Variants in LTA observed in about 807,000 individuals in gnomAD.
LTA encodes lymphotoxin alpha.
Under a neutral mutation model 15.1 loss-of-function variants are expected in LTA, and 6 were observed. The ratio of observed to expected loss-of-function variants is 0.40; its 90% CI spans 0.22 to 0.78. The LOEUF (loss-of-function observed/expected upper bound fraction) is 0.78, where lower values mean the gene tolerates loss of function less well. LTA is among the 30% of genes least tolerant of loss of function. LTA has a pLI of 0.38. For missense variants in LTA, 173 were observed against 249.5 expected (o/e 0.69, Z 2.06); for synonymous variants, 87 against 107.3 (o/e 0.81, Z 1.17).
rs368539892 is a variant in LTA, at chr6:31,572,974, G to A, written c.146G>A (p.Arg49His). ...ACACCTTCAGCTGCCCAGACTGCCC[G>A]TCAGCACCCCAAGATGCATCTTGCC... ...GLTPSAAQTA[R>H]QHPKMHLAHS... The change falls in exon 3 of 4, where the codon CGT becomes CAT. Residue 49 changes from arginine to histidine, a missense_variant. Physicochemically the swap from Arg to His is conservative, Grantham distance 29 (BLOSUM62 0). Transcript: ENST00000418386. 45 of 1,612,524 alleles carry A rather than the reference G, an allele frequency of 2.8e-5. No homozygotes were observed. Among genetic ancestry groups the A allele is most frequent in the Admixed American group, 1.8e-4 (11 of 59,972 alleles).
Position 31,572,756 on chromosome 6 carries a change from A to C in LTA, c.14A>C (p.Glu5Ala). ...CAGGTTCTCCCCATGACACCACCTGAACGTCTCTTCCTCCCAAGGGTGTGT... is the reference window on the plus strand; with the variant it reads ...CAGGTTCTCCCCATGACACCACCTGCACGTCTCTTCCTCCCAAGGGTGTGT... MTPP[E>A]RLFLPRVCGT... Residue 5 changes from glutamate to alanine, a missense_variant, in exon 2 of 4, where the codon GAA becomes GCA. Coordinates refer to ENST00000418386, the MANE Select transcript of LTA (RefSeq NM_000595.4). The C allele has an allele frequency of 6.2e-7, 1 of 1,606,600 alleles. No homozygotes were observed. Among genetic ancestry groups the C allele is most frequent in the African/African-American group, 1.4e-5 (1 of 73,816 alleles).
chr6:31,564,759 C>G, the LTA span, among the ~76,000 whole-genome samples: 1 of 147,230 alleles, frequency 6.8e-6, no homozygotes, highest in Non-Finnish European at 1.5e-5. Flanking sequence ...AAAAAAAATA[C>G]AAAACTTAGC....
upstream of LTA, among the ~76,000 whole-genome samples, chr6:31,567,645 A>AAC (rs9279356): frequency 3.5e-3 from 422 of 122,064 alleles, 1 homozygote; most frequent in Admixed American, 5.5e-3. Context: ...TCTCCCCTGC[A>AAC]ACACACACAC....
the LTA span, among the ~76,000 whole-genome samples, chr6:31,564,923 A>G: frequency 6.6e-6 from 1 of 152,132 alleles, no homozygotes; most frequent in South Asian, 2.1e-4. Context: ...CAAAAAACAA[A>G]CAAACAAGGA....
At chr6:31,570,833 C>T (rs905907187), upstream of LTA, among the ~76,000 whole-genome samples, 1 of 151,734 alleles carries the variant, frequency 6.6e-6, no homozygotes, top group Non-Finnish European at 1.5e-5. Flanking sequence ...TATATGATGC[C>T]CCAAACCAGG....
At chr6:31,563,021 G>A in the LTA span, among the ~76,000 whole-genome samples, 6 of 152,036 alleles carry the variant, frequency 3.9e-5, no homozygotes, top group East Asian at 3.9e-4. Context: ...TTAGCTGGGC[G>A]TGGTGGCACA....
rs1209275224 is a variant in LTA at position 31,573,477 on chromosome 6, G to A, written c.402G>A (p.Glu134=). The A allele has an allele frequency of 1.2e-6, 2 of 1,613,938 alleles. No homozygotes were observed. The highest frequency in any genetic ancestry group is 1.3e-5 in the African/African-American group (1 of 74,846). ...ATSSPLYLAH[E]VQLFSSQYPF... is the part of the protein sequence containing the mutation. Reference sequence around the variant, plus strand: ...CCTCCCCACTCTACCTGGCCCATGAGGTCCAGCTCTTCTCCTCCCAGTACC... The same window carrying A: ...CCTCCCCACTCTACCTGGCCCATGAAGTCCAGCTCTTCTCCTCCCAGTACC... Residue 134 remains glutamate, a synonymous_variant, in exon 4 of 4, where the codon GAG becomes GAA. Transcript: ENST00000418386.
upstream of LTA, among the ~76,000 whole-genome samples, chr6:31,567,365 G>A (rs1172302205): frequency 6.6e-6 from 1 of 152,062 alleles, no homozygotes; most frequent in East Asian, 1.9e-4. Context: ...AGACCAGCCT[G>A]AGCAGCATAG....
At chr6:31,566,455 CA>C in the LTA span, among the ~76,000 whole-genome samples, 1 of 151,738 alleles carries the variant, frequency 6.6e-6, no homozygotes, top group African/African-American at 2.4e-5. Flanking sequence ...CCAGCCTGGC[CA>C]ACATGGTGTA....
At chr6:31,561,395 G>A in the LTA span, among the ~76,000 whole-genome samples, 2 of 152,156 alleles carry the variant, frequency 1.3e-5, no homozygotes, top group Non-Finnish European at 1.5e-5. Context: ...CAAAAGGTGG[G>A]TGGTGGTGGC....
chr6:31,561,933 C>T, the LTA span, among the ~76,000 whole-genome samples: 1 of 151,862 alleles, frequency 6.6e-6, no homozygotes, highest in South Asian at 2.1e-4. Flanking sequence ...GTCTGGAGCT[C>T]AAGAGAAGTT....
At chr6:31,567,619 T>C (rs1388704978), upstream of LTA, among the ~76,000 whole-genome samples, 2 of 146,708 alleles carry the variant, frequency 1.4e-5, no homozygotes, top group Admixed American at 7.0e-5. Flanking sequence ...TCTCTCTCTC[T>C]CTCTCCCTCC....
upstream of LTA, among the ~76,000 whole-genome samples, chr6:31,567,287 C>T (rs1257200469): frequency 6.6e-6 from 1 of 151,934 alleles, no homozygotes; most frequent in Non-Finnish European, 1.5e-5. Flanking sequence ...AGCGAAACCG[C>T]CTCTCAAACA....
Position 31,572,965 on chromosome 6 carries a change from A to G in LTA, c.137A>G (p.Gln46Arg), listed in dbSNP as rs1562475628. ...GTTGGCCTCACACCTTCAGCTGCCC[A>G]GACTGCCCGTCAGCACCCCAAGATG... ...PGVGLTPSAAQTARQHPKMHL... is the reference protein window; with the variant it reads ...PGVGLTPSAARTARQHPKMHL... The change falls in exon 3 of 4, where the codon CAG becomes CGG. Residue 46 changes from glutamine (Q) to arginine (R), a missense_variant. Physicochemically the swap from Gln to Arg is conservative, Grantham distance 43 (BLOSUM62 1). Coordinates refer to ENST00000418386, the MANE Select transcript of LTA (RefSeq NM_000595.4). 1.2e-6 allele frequency: 2 copies of G among 1,612,248 alleles called. No individual in the cohort carries two copies. The highest frequency in any genetic ancestry group is 2.7e-5 in the African/African-American group (2 of 74,614).
chr6:31,567,109 A>G (rs1770607641), upstream of LTA, among the ~76,000 whole-genome samples: 1 of 151,884 alleles, frequency 6.6e-6, no homozygotes, highest in South Asian at 2.1e-4. Context: ...CAGCCTGACT[A>G]ACATGGTGAA....
In LTA at chr6:31,573,328, C is replaced by T. The variant is rs1000136608; in HGVS notation, c.253C>T (p.Arg85Cys). Residue 85 changes from arginine (R) to cysteine (C), a missense_variant, in exon 4 of 4, where the codon CGT becomes TGT. Physicochemically the swap from Arg to Cys is radical, Grantham distance 180 (BLOSUM62 -3). Transcript: ENST00000418386. ...NSLLWRANTD[R>C]AFLQDGFSLS... ...ACTGCTCTGGAGAGCAAACACGGACCGTGCCTTCCTCCAGGATGGTTTCTC... is the reference window on the plus strand; with the variant it reads ...ACTGCTCTGGAGAGCAAACACGGACTGTGCCTTCCTCCAGGATGGTTTCTC... 4.3e-6 allele frequency: 7 copies of T among 1,613,936 alleles called. No individual in the cohort carries two copies. The highest frequency in any genetic ancestry group is 2.2e-5 in the East Asian group (1 of 44,876).
chr6:31,560,918 C>T, the LTA span, among the ~76,000 whole-genome samples: 1 of 152,064 alleles, frequency 6.6e-6, no homozygotes, highest in Non-Finnish European at 1.5e-5. Flanking sequence ...ACCTAGTTAA[C>T]TGATTCAAGG....
In LTA at chr6:31,573,429, A is replaced by G. The variant is rs763457702; in HGVS notation, c.354A>G (p.Lys118=). The change falls in exon 4 of 4, where the codon AAA becomes AAG. Residue 118 remains lysine (K), a synonymous_variant. Coordinates refer to ENST00000418386, the MANE Select transcript of LTA (RefSeq NM_000595.4). ...FVYSQVVFSG[K]AYSPKATSSP... The stretch of plus-strand genomic sequence containing the variant: ...ACTCCCAGGTGGTCTTCTCTGGGAA[A>G]GCCTACTCTCCCAAGGCCACCTCCT... 6.2e-7 allele frequency: 1 copy of G among 1,614,114 alleles called. No homozygotes were observed. The highest frequency in any genetic ancestry group is 1.1e-5 in the South Asian group (1 of 91,078).
upstream of LTA, among the ~76,000 whole-genome samples, chr6:31,567,506 T>C (rs1770627435): frequency 6.6e-6 from 1 of 151,234 alleles, no homozygotes; most frequent in African/African-American, 2.4e-5. Flanking sequence ...GAGGTTGCAG[T>C]GGGCTATGAT....
Sources: allele counts gnomAD v4.1 joint callset (sites outside exome capture counted in the v4.1 genomes callset), GRCh38; gene constraint gnomAD v4.1.1; transcripts MANE v1.5; gene names NCBI Gene and HGNC (gene_info 2026-07-23, HGNC 2026-07-21).